Variants in MARCHF3 observed in about 807,000 individuals in gnomAD.
MARCHF3 encodes the protein E3 ubiquitin-protein ligase MARCHF3.
A neutral mutation model predicts 24.2 loss-of-function variants in MARCHF3; 13 were observed. The ratio of observed to expected loss-of-function variants is 0.54; its 90% CI spans 0.35 to 0.85. The LOEUF (loss-of-function observed/expected upper bound fraction) is 0.85. MARCHF3 is among the 40% of genes least tolerant of loss of function. The pLI is 0.01. For synonymous variants in MARCHF3, 144 were observed against 137.3 expected (o/e 1.05, Z -0.34); for missense variants, 276 against 325.0 (o/e 0.85, Z 1.16).
chr5:126,873,474 G>A (rs191373588), intron 4 of MARCHF3, among the ~76,000 whole-genome samples: 5 of 151,906 alleles, frequency 3.3e-5, no homozygotes, highest in East Asian at 3.9e-4. Context: ...TGCTCTCGGC[G>A]TGGTCCTGGA....
intron 1 of MARCHF3, among the ~76,000 whole-genome samples, chr5:127,020,015 C>T (rs1449425492): frequency 1.3e-5 from 2 of 152,126 alleles, no homozygotes; most frequent in Non-Finnish European, 2.9e-5. Context: ...CCCAGAAAAG[C>T]CCAAGGGGAA....
At chr5:126,933,476 G>A (rs1191977546) in intron 1 of MARCHF3, among the ~76,000 whole-genome samples, 5 of 144,554 alleles carry the variant, frequency 3.5e-5, no homozygotes, top group East Asian at 2.0e-4. Flanking sequence ...ACAGAGTCTC[G>A]CTGTGTCGCC....
chr5:126,936,121 A>G (rs1416753416), intron 1 of MARCHF3, among the ~76,000 whole-genome samples: 2 of 152,076 alleles, frequency 1.3e-5, no homozygotes, highest in African/African-American at 4.8e-5. Context: ...GGCTTTTTTG[A>G]GAGTGGGTGA....
chr5:126,968,849 C>T (rs1357678584), intron 1 of MARCHF3, among the ~76,000 whole-genome samples: 1 of 152,158 alleles, frequency 6.6e-6, no homozygotes, highest in Non-Finnish European at 1.5e-5. Flanking sequence ...GCTACCGTGC[C>T]TAGCCTATTT....
intron 1 of MARCHF3, among the ~76,000 whole-genome samples, chr5:127,011,810 C>T (rs946127553): frequency 8.5e-5 from 13 of 152,170 alleles, no homozygotes; most frequent in African/African-American, 3.1e-4. Flanking sequence ...ATTATTGCTT[C>T]CCATGGATAC....
intron 1 of MARCHF3, among the ~76,000 whole-genome samples, chr5:127,002,145 G>A (rs902496863): frequency 6.6e-6 from 1 of 152,202 alleles, no homozygotes; most frequent in African/African-American, 2.4e-5. Flanking sequence ...ACAATATCCA[G>A]CCACCAGGAA....
chr5:127,009,461 C>A (rs756317627), intron 1 of MARCHF3, among the ~76,000 whole-genome samples: 1 of 151,980 alleles, frequency 6.6e-6, no homozygotes, highest in Non-Finnish European at 1.5e-5. Flanking sequence ...TTTATAGTAC[C>A]CTTTCCACTT....
At chr5:126,947,863 C>T (rs910919563) in intron 1 of MARCHF3, among the ~76,000 whole-genome samples, 10 of 152,006 alleles carry the variant, frequency 6.6e-5, no homozygotes, top group African/African-American at 2.4e-4. Flanking sequence ...TATGAGACTG[C>T]CTCCCACGTG....
At chr5:126,917,519 T>C (rs1049925656) in intron 2 of MARCHF3, among the ~76,000 whole-genome samples, 1 of 152,024 alleles carries the variant, frequency 6.6e-6, no homozygotes, top group African/African-American at 2.4e-5. Context: ...ACCCAGAAAG[T>C]AGCCCTGGAC....
chr5:126,991,814 G>T (rs1751773085), intron 1 of MARCHF3, among the ~76,000 whole-genome samples: 1 of 151,818 alleles, frequency 6.6e-6, no homozygotes, highest in African/African-American at 2.4e-5. Context: ...CTTTTCCTTG[G>T]CAAATGTACG....
chr5:126,925,699 G>C (rs896451432), intron 1 of MARCHF3, among the ~76,000 whole-genome samples: 7 of 152,198 alleles, frequency 4.6e-5, no homozygotes, highest in African/African-American at 1.4e-4. Context: ...GCTGAGGGAG[G>C]GGGGTTGCAC....
intron 1 of MARCHF3, among the ~76,000 whole-genome samples, chr5:127,024,977 A>T (rs887444579): frequency 2.0e-5 from 3 of 152,254 alleles, no homozygotes; most frequent in Admixed American, 2.0e-4. Context: ...TCAAATTTTT[A>T]GAACCGCACT....
At chr5:126,970,274 G>A (rs1160953653) in intron 1 of MARCHF3, among the ~76,000 whole-genome samples, 3 of 151,814 alleles carry the variant, frequency 2.0e-5, no homozygotes, top group African/African-American at 7.3e-5. Flanking sequence ...TTTTAGTAGA[G>A]ACAGAGTTTC....
At chr5:126,954,990 T>C (rs146697127) in intron 1 of MARCHF3, among the ~76,000 whole-genome samples, 3 of 152,334 alleles carry the variant, frequency 2.0e-5, no homozygotes, top group Non-Finnish European at 2.9e-5. Context: ...AAACAGCATA[T>C]AGTATCATTT....
At chr5:126,919,023 T>C (rs915983820) in intron 1 of MARCHF3, among the ~76,000 whole-genome samples, 1 of 152,190 alleles carries the variant, frequency 6.6e-6, no homozygotes, top group Non-Finnish European at 1.5e-5. Flanking sequence ...GGGAAACACA[T>C]AGGAGAACGT....
At chr5:127,026,634 C>T (rs1209265678) in intron 1 of MARCHF3, among the ~76,000 whole-genome samples, 1 of 152,188 alleles carries the variant, frequency 6.6e-6, no homozygotes, top group African/African-American at 2.4e-5. Context: ...TCACCACAAT[C>T]CTAAATCAAA....
At chr5:126,975,285 T>C (rs1751154350) in intron 1 of MARCHF3, among the ~76,000 whole-genome samples, 1 of 152,192 alleles carries the variant, frequency 6.6e-6, no homozygotes, top group Admixed American at 6.5e-5. Context: ...AACAATGAAA[T>C]TTTACTATTA....
chr5:126,989,772 A>G (rs953459283), intron 1 of MARCHF3, among the ~76,000 whole-genome samples: 1 of 152,160 alleles, frequency 6.6e-6, no homozygotes, highest in Non-Finnish European at 1.5e-5. Context: ...ACAGTTTCCT[A>G]TTATATTACA....
intron 1 of MARCHF3, among the ~76,000 whole-genome samples, chr5:126,945,291 A>G (rs1454554996): frequency 1.3e-5 from 2 of 152,324 alleles, no homozygotes; most frequent in African/African-American, 4.8e-5. Flanking sequence ...TGGCTGTTGA[A>G]CATTTACCAG....
Sources: gnomAD v4.1 joint callset for allele counts (sites outside exome capture counted in the v4.1 genomes callset) on GRCh38, gnomAD v4.1.1 for gene constraint, MANE v1.5 for transcripts, NCBI Gene and HGNC (gene_info 2026-07-23, HGNC 2026-07-21) for gene names.